PRRC2C: variants seen among roughly 807,000 people sequenced by gnomAD.
PRRC2C encodes the protein proline rich coiled-coil 2C.
A neutral mutation model predicts 317.2 loss-of-function variants in PRRC2C; 72 were observed. That is an observed-to-expected ratio of 0.23 (90% CI 0.19 to 0.28). The LOEUF is 0.28. Among genes scored for constraint, PRRC2C ranks in the 10% least tolerant of loss-of-function variants. The pLI, the probability that PRRC2C is intolerant of heterozygous loss-of-function variation, is 1.00. For missense variants in PRRC2C, 3,074 were observed against 3,459.7 expected (o/e 0.89, Z 2.80); for synonymous variants, 1,296 against 1,205.9 (o/e 1.07, Z -1.55).
Position 171,591,993 on chromosome 1 carries a change from T to A in PRRC2C, c.*146T>A, listed in dbSNP as rs912219678. 1.9e-5 allele frequency: 20 copies of A among 1,040,810 alleles called. No individual in the cohort carries two copies. Among genetic ancestry groups the A allele is most frequent in the Non-Finnish European group, 2.8e-5 (20 of 714,456 alleles). The allele number at this position is 1,040,810 out of a possible 1,614,324, so 64.5% of individuals were successfully genotyped here. A position where few individuals can be genotyped will look rare whatever the true frequency, so the allele number is the denominator to read the frequency against. On this transcript the variant is annotated 3_prime_UTR_variant, in exon 35 of 35. Transcript: ENST00000647382. ...AGATGTACAAGGGACATAGGAGCAA[T>A]TTACACTGACACACAGCTGCTGTAC... is the stretch of plus-strand genomic sequence containing the variant.
intron 26 of PRRC2C, among the ~76,000 whole-genome samples, chr1:171,579,063 T>G (rs1647904656): frequency 6.6e-6 from 1 of 152,202 alleles, no homozygotes; most frequent in Admixed American, 6.5e-5. Context: ...TTTAGTAGAT[T>G]ATGTGAAATT....
intron 17 of PRRC2C, among the ~76,000 whole-genome samples, chr1:171,549,609 T>C (rs1180930126): frequency 6.6e-6 from 1 of 152,218 alleles, no homozygotes; most frequent in Admixed American, 6.5e-5. Flanking sequence ...TCACCCAGGC[T>C]GGAATGCAGT....
chr1:171,547,514 A>G (rs947068466), intron 17 of PRRC2C, among the ~76,000 whole-genome samples: 1 of 152,224 alleles, frequency 6.6e-6, no homozygotes, highest in Non-Finnish European at 1.5e-5. Flanking sequence ...TTTCATGGAA[A>G]TGAGAATATG....
intron 16 of PRRC2C, among the ~76,000 whole-genome samples, chr1:171,543,371 T>G (rs1376183026): frequency 6.6e-6 from 1 of 152,130 alleles, no homozygotes; most frequent in African/African-American, 2.4e-5. Context: ...ATTGATTTAT[T>G]TATTTAGTGT....
intron 18 of PRRC2C, among the ~76,000 whole-genome samples, chr1:171,552,893 A>G (rs1178142702): frequency 6.6e-6 from 1 of 152,168 alleles, no homozygotes; most frequent in Non-Finnish European, 1.5e-5. Flanking sequence ...TTTTGCATCA[A>G]TGTTCATCAG....
chr1:171,566,260 C>G lies in PRRC2C; in HGVS notation c.6145C>G (p.Leu2049Val). Residue 2049 changes from leucine (L) to valine (V), a missense_variant, in exon 21 of 35, where the codon CTC (leucine) becomes GTC (valine). Around this residue, in one of 11 missense-constraint regions of PRRC2C, gnomAD observed 640 missense variants for 676.1 expected, o/e 0.95. Coordinates refer to ENST00000647382, the MANE Select transcript of PRRC2C (RefSeq NM_001387844.1). The part of the protein sequence containing the change: ...EGAKNGQESG[L>V]EIGTDTIQFG... ...AGCGAAGAATGGTCAAGAAAGTGGACTCGAAATTGGAACTGACACAATTCA... is the reference window on the plus strand; with the variant it reads ...AGCGAAGAATGGTCAAGAAAGTGGAGTCGAAATTGGAACTGACACAATTCA... 1 of 1,611,276 alleles carries G rather than the reference C, an allele frequency of 6.2e-7. No homozygotes were observed. Among genetic ancestry groups the G allele is most frequent in the South Asian group, 1.1e-5 (1 of 90,222 alleles).
At chr1:171,521,760 G>A (rs377003250) in intron 6 of PRRC2C, among the ~76,000 whole-genome samples, 11 of 152,226 alleles carry the variant, frequency 7.2e-5, no homozygotes, top group African/African-American at 1.2e-4. Context: ...TCACTTTGCC[G>A]TTTGCTAGGG....
intron 27 of PRRC2C, 67 bp downstream of exon 27, chr1:171,579,533 T>G: frequency 6.4e-7 from 1 of 1,554,254 alleles, no homozygotes; most frequent in South Asian, 1.2e-5. Flanking sequence ...AATAGTTATC[T>G]TGGAACATAA....
chr1:171,532,294 T>TAG (rs1676033516), intron 11 of PRRC2C, 49 bp from the exon 12 acceptor site: 2 of 1,531,624 alleles, frequency 1.3e-6, no homozygotes, highest in Non-Finnish European at 1.7e-6. Flanking sequence ...TACCCAGTGT[T>TAG]AGTCAGAAAT....
At chr1:171,556,178 G>A (rs375474309) in intron 18 of PRRC2C, among the ~76,000 whole-genome samples, 2 of 152,208 alleles carry the variant, frequency 1.3e-5, no homozygotes, top group South Asian at 2.1e-4. Flanking sequence ...GTTTGATCTC[G>A]GACTGCTGCG....
intron 11 of PRRC2C, among the ~76,000 whole-genome samples, chr1:171,528,507 G>T (rs1455297668): frequency 6.6e-6 from 1 of 151,946 alleles, no homozygotes; most frequent in African/African-American, 2.4e-5. Flanking sequence ...TAGCCAGGAC[G>T]GTCTCGATAT....
At chr1:171,495,354 G>C (rs1667922422) in intron 1 of PRRC2C, among the ~76,000 whole-genome samples, 1 of 152,056 alleles carries the variant, frequency 6.6e-6, no homozygotes, top group Non-Finnish European at 1.5e-5. Flanking sequence ...AGCATTCTAA[G>C]ACCTTTAAAA....
rs756152081 is a variant in PRRC2C at position 171,589,461 on chromosome 1, G to A, written c.8292G>A (p.Leu2764=). Residue 2764 remains leucine, a synonymous_variant, in exon 34 of 35, where the codon CTG becomes CTA. Transcript: ENST00000647382. ...PAPVQRPPMA[L]ASQMPPPLTT... is the part of the protein sequence containing the mutation. ...CTGTTCAGAGGCCACCAATGGCACT[G>A]GCCAGTCAGATGCCTCCTCCGCTGA... is the stretch of plus-strand genomic sequence containing the variant. 7 of 1,289,772 alleles carry A rather than the reference G, an allele frequency of 5.4e-6. No individual in the cohort carries two copies. Among genetic ancestry groups the A allele is most frequent in the South Asian group, 2.5e-5 (2 of 81,028 alleles). 79.9% of individuals were successfully genotyped at this position (1,289,772 alleles called of 1,614,324 possible). A position where few individuals can be genotyped will look rare whatever the true frequency, so the allele number is the denominator to read the frequency against.
intron 2 of PRRC2C, 48 bp from the exon 3 acceptor site, chr1:171,512,947 G>A: frequency 1.3e-6 from 2 of 1,488,080 alleles, no homozygotes; most frequent in Non-Finnish European, 1.8e-6. Flanking sequence ...GGAATAAAAT[G>A]GGTAATAAAA....
Position 171,532,832 on chromosome 1 carries a change from A to G in PRRC2C, c.1744A>G (p.Met582Val), listed in dbSNP as rs1355171820. The stretch of plus-strand genomic sequence containing the variant: ...AGAAAAGGAAAAAGAACTACAAAAG[A>G]TGAAAGAACAAGAAAAGGAATGTGA... ...QKEKEKELQK[M>V]KEQEKECELE... is the part of the protein sequence containing the mutation. The change falls in exon 12 of 35, where the codon ATG (methionine) becomes GTG (valine). Residue 582 changes from methionine to valine, a missense_variant. This residue lies in a region of PRRC2C where 1,320 missense variants were observed against 1,395.7 expected (regional missense o/e 0.95). Transcript: ENST00000647382. 6.3e-7 allele frequency: 1 copy of G among 1,598,868 alleles called. No individual in the cohort carries two copies. The highest frequency in any genetic ancestry group is 1.1e-5 in the South Asian group (1 of 87,068).
At chr1:171,590,371 G>A (rs1160525722) in intron 34 of PRRC2C, among the ~76,000 whole-genome samples, 3 of 152,206 alleles carry the variant, frequency 2.0e-5, no homozygotes, top group South Asian at 2.1e-4. Flanking sequence ...TGCCAGTACA[G>A]CCAGTTGAAT....
chr1:171,515,056 A>G (rs906879078), intron 4 of PRRC2C, among the ~76,000 whole-genome samples: 1 of 152,276 alleles, frequency 6.6e-6, no homozygotes, highest in African/African-American at 2.4e-5. Flanking sequence ...GAAAGTAGCC[A>G]TAAAGCACCA....
chr1:171,591,933 A>G lies in PRRC2C; in HGVS notation c.*86A>G. 6.7e-7 allele frequency: 1 copy of G among 1,489,868 alleles called. No individual in the cohort carries two copies. The highest frequency in any genetic ancestry group is 9.1e-7 in the Non-Finnish European group (1 of 1,102,320). 92.3% of individuals were successfully genotyped at this position (1,489,868 alleles called of 1,614,324 possible). A position where few individuals can be genotyped will look rare whatever the true frequency, so the allele number is the denominator to read the frequency against. On this transcript the variant is annotated 3_prime_UTR_variant, in exon 35 of 35. Transcript: ENST00000647382. The stretch of plus-strand genomic sequence containing the variant: ...GATAATGCTGGCAGCCAAAGGGGCA[A>G]AATGGCCTGTGACATTATCCTGTTC...
intron 12 of PRRC2C, among the ~76,000 whole-genome samples, chr1:171,534,496 G>A (rs1676459300): frequency 6.6e-6 from 1 of 151,710 alleles, no homozygotes; most frequent in African/African-American, 2.4e-5. Flanking sequence ...TCTGATACTA[G>A]ACACATACAA....
Sources: gnomAD v4.1 joint callset for allele counts (sites outside exome capture counted in the v4.1 genomes callset) on GRCh38, gnomAD v4.1.1 for gene constraint, gnomAD v4.1.1 regional missense constraint, MANE v1.5 for transcripts, NCBI Gene and HGNC (gene_info 2026-07-23, HGNC 2026-07-21) for gene names.